GALNT13: variants seen among roughly 807,000 people sequenced by gnomAD.
The protein encoded by GALNT13 is UDP-GalNAc:polypeptide N-acetylgalactosaminyltransferase 13.
In GALNT13, 28 loss-of-function variants were observed where a neutral mutation model predicts 64.2. The ratio of observed to expected loss-of-function variants is 0.44; its 90% CI spans 0.32 to 0.60. The LOEUF (loss-of-function observed/expected upper bound fraction) is 0.60, where lower values mean the gene tolerates loss of function less well. GALNT13 is among the 20% of genes least tolerant of loss of function. The pLI is 0.05. For missense variants in GALNT13, 577 were observed against 669.8 expected (o/e 0.86, Z 1.53); for synonymous variants, 214 against 224.6 (o/e 0.95, Z 0.42).
chr2:153,197,743 A>C, the GALNT13 span, among the ~76,000 whole-genome samples: 2 of 152,172 alleles, frequency 1.3e-5, no homozygotes. Flanking sequence ...GGGAGGACAG[A>C]GTTTCTATCT....
the GALNT13 span, among the ~76,000 whole-genome samples, chr2:153,827,351 C>A: frequency 1.3e-5 from 2 of 152,100 alleles, no homozygotes; most frequent in Non-Finnish European, 1.5e-5. Context: ...AGGCTGGGCA[C>A]AGTGGCTCAT....
chr2:154,356,692 C>T (rs1696769362), intron 9 of GALNT13, among the ~76,000 whole-genome samples: 1 of 151,912 alleles, frequency 6.6e-6, no homozygotes, highest in African/African-American at 2.4e-5. Flanking sequence ...AATTTACTTA[C>T]CTTTTTATTA....
At chr2:153,367,733 T>C in the GALNT13 span, among the ~76,000 whole-genome samples, 2 of 152,100 alleles carry the variant, frequency 1.3e-5, no homozygotes, top group Non-Finnish European at 2.9e-5. Context: ...ATTAAGTTTG[T>C]GGTAATTTTT....
chr2:153,656,890 G>A, the GALNT13 span, among the ~76,000 whole-genome samples: 1 of 152,048 alleles, frequency 6.6e-6, no homozygotes, highest in Non-Finnish European at 1.5e-5. Flanking sequence ...AGGTGCAAGA[G>A]GAATAGGAGG....
the GALNT13 span, among the ~76,000 whole-genome samples, chr2:153,558,112 T>G: frequency 6.6e-6 from 1 of 152,184 alleles, no homozygotes; most frequent in African/African-American, 2.4e-5. Context: ...GACTGGAAGC[T>G]CCTTTACAGC....
At chr2:153,186,445 T>C in the GALNT13 span, among the ~76,000 whole-genome samples, 1 of 152,204 alleles carries the variant, frequency 6.6e-6, no homozygotes, top group Admixed American at 6.5e-5. Flanking sequence ...GGCATTTAGC[T>C]CATGCTTATT....
At chr2:154,265,782 C>T (rs1690962312) in intron 8 of GALNT13, among the ~76,000 whole-genome samples, 1 of 152,186 alleles carries the variant, frequency 6.6e-6, no homozygotes, top group Non-Finnish European at 1.5e-5. Flanking sequence ...CAGCATTACA[C>T]AGATACCAAA....
At chr2:153,444,079 T>C in the GALNT13 span, among the ~76,000 whole-genome samples, 1 of 152,210 alleles carries the variant, frequency 6.6e-6, no homozygotes, top group Non-Finnish European at 1.5e-5. Context: ...TACCTATATG[T>C]TTGTCCATCT....
the GALNT13 span, among the ~76,000 whole-genome samples, chr2:153,245,870 C>T: frequency 0.13 from 19,754 of 151,960 alleles, 1,423 homozygotes; most frequent in African/African-American, 0.19. Flanking sequence ...GGAGCATGTT[C>T]TAACCCAATG....
chr2:153,172,319 G>A, the GALNT13 span, among the ~76,000 whole-genome samples: 27 of 152,148 alleles, frequency 1.8e-4, no homozygotes, highest in African/African-American at 6.3e-4. Context: ...AGTGGAGATA[G>A]AAATGCCAAA....
At chr2:153,458,408 T>C in the GALNT13 span, among the ~76,000 whole-genome samples, 27 of 152,256 alleles carry the variant, frequency 1.8e-4, no homozygotes, top group African/African-American at 5.8e-4. Context: ...CCCCCTGCCA[T>C]TGGGTCTTTG....
chr2:153,733,744 G>T, the GALNT13 span, among the ~76,000 whole-genome samples: 3 of 152,190 alleles, frequency 2.0e-5, no homozygotes, highest in Admixed American at 1.3e-4. Context: ...GCCACTGCAG[G>T]CATGTAGTGG....
At chr2:153,637,104 A>G in the GALNT13 span, among the ~76,000 whole-genome samples, 1 of 152,104 alleles carries the variant, frequency 6.6e-6, no homozygotes, top group Non-Finnish European at 1.5e-5. Flanking sequence ...CTGAAGCTCC[A>G]TTTTACCTGA....
chr2:153,258,093 T>C, the GALNT13 span, among the ~76,000 whole-genome samples: 1 of 152,102 alleles, frequency 6.6e-6, no homozygotes, highest in East Asian at 1.9e-4. Flanking sequence ...GACTCAGCTT[T>C]AAAAAAAGTC....
At chr2:153,809,914 T>C in the GALNT13 span, among the ~76,000 whole-genome samples, 2 of 152,160 alleles carry the variant, frequency 1.3e-5, no homozygotes, top group African/African-American at 4.8e-5. Context: ...TCCCAAACAT[T>C]TGTTGCCATT....
At chr2:154,171,343 C>A (rs934116710) in intron 4 of GALNT13, among the ~76,000 whole-genome samples, 1 of 152,124 alleles carries the variant, frequency 6.6e-6, no homozygotes, top group African/African-American at 2.4e-5. Context: ...ACCTACTCCA[C>A]CAGAAACATT....
the GALNT13 span, among the ~76,000 whole-genome samples, chr2:153,191,994 A>G: frequency 6.6e-6 from 1 of 151,762 alleles, no homozygotes; most frequent in East Asian, 1.9e-4. Flanking sequence ...TATCTTTTCA[A>G]AAACCAACTT....
the GALNT13 span, among the ~76,000 whole-genome samples, chr2:153,256,162 G>A: frequency 1.3e-4 from 20 of 151,508 alleles, no homozygotes; most frequent in East Asian, 5.8e-4. Flanking sequence ...GGCTTTGCTC[G>A]TTTCTTTTTA....
At chr2:153,967,411 T>A (rs1693444863) in intron 3 of GALNT13, among the ~76,000 whole-genome samples, 1 of 152,174 alleles carries the variant, frequency 6.6e-6, no homozygotes, top group Non-Finnish European at 1.5e-5. Flanking sequence ...TTGAGTGTTG[T>A]TACCTAAGCT....
Sources: allele counts gnomAD v4.1 joint callset (sites outside exome capture counted in the v4.1 genomes callset), GRCh38; gene constraint gnomAD v4.1.1; transcripts MANE v1.5; gene names NCBI Gene and HGNC (gene_info 2026-07-23, HGNC 2026-07-21).